CDH18: variants seen among roughly 807,000 people sequenced by gnomAD.
CDH18 encodes cadherin-18.
Under a neutral mutation model 67.9 loss-of-function variants are expected in CDH18, and 31 were observed. The ratio of observed to expected loss-of-function variants is 0.46; its 90% CI spans 0.34 to 0.62. The LOEUF (loss-of-function observed/expected upper bound fraction) is 0.62. Ranked by LOEUF, CDH18 falls within the 20% of genes least tolerant of loss-of-function variation. The probability of loss-of-function intolerance (pLI) is 0.01; values close to 1 mark genes in which losing one functional copy is unlikely to be tolerated. For missense variants in CDH18, 890 were observed against 975.5 expected, an observed-to-expected ratio of 0.91 and a Z score of 1.17; for synonymous variants, 362 against 347.2, an observed-to-expected ratio of 1.04 and a Z score of -0.48.
intron 5 of CDH18, among the ~76,000 whole-genome samples, chr5:19,693,288 T>A (rs1762136383): frequency 6.6e-6 from 1 of 152,154 alleles, no homozygotes; most frequent in African/African-American, 2.4e-5. Flanking sequence ...TTAGAATTAA[T>A]AAAATATAGT....
At chr5:19,508,056 G>GAA (rs34220102) in intron 10 of CDH18, among the ~76,000 whole-genome samples, 3,658 of 141,110 alleles carry the variant, frequency 0.026, 167 homozygotes, top group African/African-American at 0.088. Flanking sequence ...TCGTATTTCT[G>GAA]AAAAAAAAAA....
intron 5 of CDH18, among the ~76,000 whole-genome samples, chr5:19,683,656 G>A (rs1428722821): frequency 1.3e-5 from 2 of 151,984 alleles, no homozygotes; most frequent in Non-Finnish European, 2.9e-5. Context: ...AGCAGAATGG[G>A]TGGTAGTTAT....
intron 2 of CDH18, among the ~76,000 whole-genome samples, chr5:19,899,854 A>G (rs1789747835): frequency 6.6e-6 from 1 of 152,174 alleles, no homozygotes; most frequent in Non-Finnish European, 1.5e-5. Context: ...CAAATACTGC[A>G]TGATTCCACT....
chr5:20,042,647 T>G (rs539711775), intron 2 of CDH18, among the ~76,000 whole-genome samples: 212 of 152,294 alleles, frequency 1.4e-3, no homozygotes, highest in African/African-American at 4.7e-3. Context: ...CAAACCTCAT[T>G]TCCACCAATT....
chr5:20,341,890 T>C (rs1428804461), intron 1 of CDH18, among the ~76,000 whole-genome samples: 3 of 152,108 alleles, frequency 2.0e-5, no homozygotes, highest in Non-Finnish European at 4.4e-5. Flanking sequence ...ACTCTACACA[T>C]AATACCTTTG....
At chr5:20,531,725 A>T (rs1488592012) in intron 1 of CDH18, among the ~76,000 whole-genome samples, 1 of 151,940 alleles carries the variant, frequency 6.6e-6, no homozygotes, top group Admixed American at 6.6e-5. Flanking sequence ...ACAAGCAACA[A>T]TGGGGCCTGT....
At chr5:20,319,167 G>A (rs1737753949) in intron 1 of CDH18, among the ~76,000 whole-genome samples, 1 of 152,080 alleles carries the variant, frequency 6.6e-6, no homozygotes, top group Admixed American at 6.6e-5. Context: ...TACTTTTTCT[G>A]TCATTTCTTT....
rs540138423 is a variant in CDH18, at chr5:19,987,243, C to T, written c.-376+843G>A. Among the ~76,000 whole-genome samples the T allele has an allele frequency of 3.5e-5, 5 of 144,576 alleles. No homozygotes were observed. In the South Asian group the frequency reaches 1.1e-3, roughly 31 times the overall value. The allele number at this position is 144,576 out of a possible 152,430, so 94.8% of individuals were successfully genotyped here. A position where few individuals can be genotyped will look rare whatever the true frequency, so the allele number is the denominator to read the frequency against. On this transcript the variant is annotated intron_variant, in intron 1 of 12. Transcript: ENST00000382275. ...ATGAGAGGTTTGCCTAGAGCCACATCTGTACAGACAACACACACACACACA... is the reference window on the plus strand; with the variant it reads ...ATGAGAGGTTTGCCTAGAGCCACATTTGTACAGACAACACACACACACACA...
At chr5:19,621,734 A>G (rs1750747942) in intron 5 of CDH18, among the ~76,000 whole-genome samples, 1 of 152,210 alleles carries the variant, frequency 6.6e-6, no homozygotes, top group Admixed American at 6.5e-5. Flanking sequence ...AAGATGAATA[A>G]GTTCTAAAGG....
chr5:19,626,356 C>A (rs963168054), intron 5 of CDH18, among the ~76,000 whole-genome samples: 5 of 152,062 alleles, frequency 3.3e-5, no homozygotes, highest in African/African-American at 1.2e-4. Context: ...AACAGATGTG[C>A]GAAAGAACAC....
intron 3 of CDH18, among the ~76,000 whole-genome samples, chr5:19,829,425 A>C (rs1196721808): frequency 6.6e-6 from 1 of 152,208 alleles, no homozygotes; most frequent in African/African-American, 2.4e-5. Context: ...ACAACATCCA[A>C]GCTAAGAGCC....
intron 2 of CDH18, among the ~76,000 whole-genome samples, chr5:20,202,500 G>A (rs917218344): frequency 2.6e-5 from 4 of 151,782 alleles, no homozygotes; most frequent in Admixed American, 6.6e-5. Context: ...TTAAAAATCA[G>A]TTTTTTGATA....
At chr5:20,244,610 C>T (rs1054072814) in intron 2 of CDH18, among the ~76,000 whole-genome samples, 2 of 151,986 alleles carry the variant, frequency 1.3e-5, no homozygotes, top group East Asian at 1.9e-4. Flanking sequence ...AAAAAATTGA[C>T]AATTTCATGT....
chr5:20,081,052 G>A (rs1414024561), intron 2 of CDH18, among the ~76,000 whole-genome samples: 1 of 152,036 alleles, frequency 6.6e-6, no homozygotes, highest in African/African-American at 2.4e-5. Flanking sequence ...TACTATGGCT[G>A]TTTTAAAATA....
chr5:19,815,585 C>T (rs1287526296), intron 3 of CDH18, among the ~76,000 whole-genome samples: 2 of 151,524 alleles, frequency 1.3e-5, no homozygotes, highest in East Asian at 3.9e-4. Context: ...TGAAGGTTGT[C>T]TTCTAAGTAA....
At chr5:20,316,017 C>T (rs371774864) in intron 1 of CDH18, among the ~76,000 whole-genome samples, 5 of 151,956 alleles carry the variant, frequency 3.3e-5, no homozygotes, top group Non-Finnish European at 5.9e-5. Context: ...AAGCATGACA[C>T]GATCAAAACA....
At chr5:20,159,546 ATGTGGGATAAGCAAACAGTAAT>A (rs1056034053) in intron 2 of CDH18, among the ~76,000 whole-genome samples, 13 of 152,304 alleles carry the variant, frequency 8.5e-5, no homozygotes, top group African/African-American at 3.1e-4. Flanking sequence ...GATGCTGCCC[ATGTGGGATAAGCAAACAGTAAT>A]TGTCAGTCAT....
At chr5:20,395,450 G>C (rs566172628) in intron 1 of CDH18, among the ~76,000 whole-genome samples, 1 of 152,034 alleles carries the variant, frequency 6.6e-6, no homozygotes, top group South Asian at 2.1e-4. Flanking sequence ...AAATAGAGAG[G>C]GTAGGAAGTA....
chr5:19,858,041 CT>C (rs2149963432), intron 2 of CDH18, among the ~76,000 whole-genome samples: 1 of 152,268 alleles, frequency 6.6e-6, no homozygotes, highest in South Asian at 2.1e-4. Context: ...CACATTATCA[CT>C]GCAGAATTCT....
Sources: allele counts gnomAD v4.1 joint callset (sites outside exome capture counted in the v4.1 genomes callset), GRCh38; gene constraint gnomAD v4.1.1; transcripts MANE v1.5; gene names NCBI Gene and HGNC (gene_info 2026-07-23, HGNC 2026-07-21).